The following HERC3 variants were observed in gnomAD, a reference collection of about 807,000 sequenced individuals.
HERC3 encodes HECT and RLD domain containing E3 ubiquitin protein ligase 3.
In HERC3, 58 loss-of-function variants were observed where a neutral mutation model predicts 129.9. The observed-to-expected ratio is 0.45, with a 90% CI of 0.36 to 0.56. The LOEUF (loss-of-function observed/expected upper bound fraction) is 0.56, where lower values mean the gene tolerates loss of function less well. Among genes scored for constraint, HERC3 ranks in the 20% least tolerant of loss-of-function variants. The probability of loss-of-function intolerance (pLI) is 0.00; values close to 1 mark genes in which losing one functional copy is unlikely to be tolerated. For synonymous variants in HERC3, 430 were observed against 451.0 expected, an observed-to-expected ratio of 0.95 and a Z score of 0.59; for missense variants, 835 against 1,244.2, an observed-to-expected ratio of 0.67 and a Z score of 4.95.
At chr4:88,559,791 G>T in the HERC3 span, among the ~76,000 whole-genome samples, 1 of 152,004 alleles carries the variant, frequency 6.6e-6, no homozygotes, top group East Asian at 1.9e-4. Flanking sequence ...CATTTCCTTT[G>T]TGTATGCACC....
intron 3 of HERC3, among the ~76,000 whole-genome samples, chr4:88,611,846 T>G (rs1724363592): frequency 6.6e-6 from 1 of 152,342 alleles, no homozygotes; most frequent in African/African-American, 2.4e-5. Flanking sequence ...CTAGCACTAG[T>G]CTGGAGGAGA....
At chr4:88,621,195 C>T (rs760990553) in intron 3 of HERC3, among the ~76,000 whole-genome samples, 5 of 152,140 alleles carry the variant, frequency 3.3e-5, no homozygotes, top group Non-Finnish European at 7.4e-5. Flanking sequence ...CCACCTCCAC[C>T]TCCTGGGTTC....
chr4:88,530,135 C>T, the HERC3 span, among the ~76,000 whole-genome samples: 3 of 151,876 alleles, frequency 2.0e-5, no homozygotes, highest in Non-Finnish European at 4.4e-5. Flanking sequence ...GTTAAAAGTA[C>T]AAAACATTAC....
At chr4:88,626,549 T>C (rs1368440733) in intron 3 of HERC3, among the ~76,000 whole-genome samples, 1 of 152,180 alleles carries the variant, frequency 6.6e-6, no homozygotes, top group Non-Finnish European at 1.5e-5. Flanking sequence ...CATTTTGATA[T>C]ACATATACAT....
At chr4:88,543,933 A>C in the HERC3 span, among the ~76,000 whole-genome samples, 3 of 152,226 alleles carry the variant, frequency 2.0e-5, no homozygotes, top group South Asian at 6.2e-4. Flanking sequence ...GATGGATTAA[A>C]GACTTAAATG....
Position 88,668,241 on chromosome 4 carries a change from C to G in HERC3, c.1633+160C>G, listed in dbSNP as rs113899781. On this transcript the variant is annotated intron_variant, in intron 14 of 25. Coordinates refer to ENST00000402738, the MANE Select transcript of HERC3 (RefSeq NM_014606.3). ...TCTTTGCTGTTAATTTTTAGCTAAC[C>G]CTATTTTCAAGTTGAAAATAAAACC... 9.9e-3 allele frequency among the ~76,000 whole-genome samples: 1,508 copies of G among 152,146 alleles called. 23 individuals carry two copies. Among genetic ancestry groups the G allele is most frequent in the African/African-American group, 0.034 (1,409 of 41,508 alleles).
At position 88,707,849 on chromosome 4, in the gene HERC3, A is replaced by G. The variant is rs1063143; in HGVS notation, c.*889A>G. ...TAATAAATTTACTTTCCCTTTTTCT[A>G]TCACCTTATGTCCTCTACCATTTTC... On this transcript the variant is annotated 3_prime_UTR_variant, in exon 26 of 26. Transcript: ENST00000402738. 0.32 allele frequency: 48,164 copies of G among 152,300 alleles called. 9,135 individuals are homozygous for G. The highest frequency in any genetic ancestry group is 0.53 in the African/African-American group (21,752 of 41,388). 9.4% of individuals were successfully genotyped at this position (152,300 alleles called of 1,614,324 possible).
intron 3 of HERC3, among the ~76,000 whole-genome samples, chr4:88,649,393 T>C (rs924632989): frequency 6.6e-6 from 1 of 152,206 alleles, no homozygotes. Flanking sequence ...GAAAGTTGTT[T>C]AGCATTCTGG....
In HERC3 at chr4:88,707,289, T is replaced by C; in HGVS notation, c.*329T>C. On this transcript the variant is annotated 3_prime_UTR_variant, in exon 26 of 26. Coordinates refer to ENST00000402738, the MANE Select transcript of HERC3 (RefSeq NM_014606.3). The stretch of plus-strand genomic sequence containing the variant: ...GGCAGTGGATTTTTAAACTTTAATT[T>C]CCCAAATGTCTCTCTCAGCCCTGAT... 1 of 283,222 alleles carries C rather than the reference T, an allele frequency of 3.5e-6. No homozygotes were observed. Among genetic ancestry groups the C allele is most frequent in the Non-Finnish European group, 6.8e-6 (1 of 148,104 alleles). 17.5% of individuals were successfully genotyped at this position (283,222 alleles called of 1,614,324 possible).
chr4:88,596,611 G>A (rs1012095565), intron 2 of HERC3, among the ~76,000 whole-genome samples: 1 of 152,206 alleles, frequency 6.6e-6, no homozygotes, highest in Non-Finnish European at 1.5e-5. Context: ...TAGTGGAGGA[G>A]GTAGGAGAAG....
At chr4:88,614,593 G>A (rs1405098433) in intron 3 of HERC3, among the ~76,000 whole-genome samples, 1 of 152,122 alleles carries the variant, frequency 6.6e-6, no homozygotes, top group African/African-American at 2.4e-5. Context: ...TTAGACTACT[G>A]TTTGTCAGCT....
At chr4:88,545,939 A>G in the HERC3 span, among the ~76,000 whole-genome samples, 1 of 152,192 alleles carries the variant, frequency 6.6e-6, no homozygotes, top group South Asian at 2.1e-4. Context: ...AGTGGTATAA[A>G]TGTGAATCTC....
At chr4:88,563,514 C>A in the HERC3 span, among the ~76,000 whole-genome samples, 1 of 152,158 alleles carries the variant, frequency 6.6e-6, no homozygotes, top group Non-Finnish European at 1.5e-5. Context: ...TCTGATTGCT[C>A]TAGCTAGGAC....
Position 88,676,403 on chromosome 4 carries a change from G to C in HERC3, c.2005G>C (p.Asp669His). The change falls in exon 18 of 26, where the codon GAT becomes CAT. Residue 669 changes from aspartate to histidine, a missense_variant. Asp to His is a moderately conservative substitution (Grantham distance 81). Coordinates refer to ENST00000402738, the MANE Select transcript of HERC3 (RefSeq NM_014606.3). ...AQAKTKMLQTDAELQMQVAVN... is the reference protein window; with the variant it reads ...AQAKTKMLQTHAELQMQVAVN... ...AGCCAAGACCAAAATGTTACAGACA[G>C]ATGCTGAACTACAGATGCAGGTATC... is the stretch of plus-strand genomic sequence containing the variant. 1.2e-6 allele frequency: 2 copies of C among 1,609,016 alleles called. No homozygotes were observed. Among genetic ancestry groups the C allele is most frequent in the Non-Finnish European group, 1.7e-6 (2 of 1,175,484 alleles).
At chr4:88,595,812 T>C (rs927608189) in intron 2 of HERC3, among the ~76,000 whole-genome samples, 198 bp downstream of exon 2, 2 of 150,976 alleles carry the variant, frequency 1.3e-5, no homozygotes, top group African/African-American at 4.9e-5. Context: ...GGAGACCTGG[T>C]TTCTGGTCTC....
intron 23 of HERC3, among the ~76,000 whole-genome samples, chr4:88,702,958 A>G (rs1372995821): frequency 6.6e-6 from 1 of 152,170 alleles, no homozygotes; most frequent in Non-Finnish European, 1.5e-5. Flanking sequence ...CGGGAAACCA[A>G]CCTCTTATCT....
chr4:88,619,622 AT>A (rs2149219024), intron 3 of HERC3, among the ~76,000 whole-genome samples: 1 of 152,332 alleles, frequency 6.6e-6, no homozygotes, highest in South Asian at 2.1e-4. Flanking sequence ...TTTGCATGAA[AT>A]TTTAAAATTT....
the HERC3 span, among the ~76,000 whole-genome samples, chr4:88,568,762 G>C: frequency 1.3e-5 from 2 of 151,892 alleles, no homozygotes; most frequent in African/African-American, 4.8e-5. Context: ...CCATCTGGGA[G>C]CTAGTGCCTG....
chr4:88,637,901 A>C (rs1255826669), intron 3 of HERC3, among the ~76,000 whole-genome samples: 1 of 152,244 alleles, frequency 6.6e-6, no homozygotes, highest in East Asian at 1.9e-4. Flanking sequence ...AAAACAATAA[A>C]GGGGATATCA....
Sources: gnomAD v4.1 joint callset for allele counts (sites outside exome capture counted in the v4.1 genomes callset) on GRCh38, gnomAD v4.1.1 for gene constraint, MANE v1.5 for transcripts, NCBI Gene and HGNC (gene_info 2026-07-23, HGNC 2026-07-21) for gene names.